Variants in SMAP1 observed in about 807,000 individuals in gnomAD.
SMAP1 encodes the protein stromal membrane-associated protein 1.
Under a neutral mutation model 58.5 loss-of-function variants are expected in SMAP1, and 24 were observed. The observed-to-expected ratio is 0.41, with a 90% confidence interval of 0.30 to 0.58. The LOEUF is 0.58. SMAP1 is among the 20% of genes least tolerant of loss of function. The probability of loss-of-function intolerance (pLI) is 0.29; values close to 1 mark genes in which losing one functional copy is unlikely to be tolerated. For synonymous variants in SMAP1, 216 were observed against 196.6 expected, an observed-to-expected ratio of 1.10 and a Z score of -0.82; for missense variants, 563 against 566.3, an observed-to-expected ratio of 0.99 and a Z score of 0.06.
chr6:70,675,012 T>C (rs1028927336), intron 1 of SMAP1, among the ~76,000 whole-genome samples: 2 of 152,050 alleles, frequency 1.3e-5, no homozygotes, highest in Non-Finnish European at 2.9e-5. Context: ...TGGATATAGT[T>C]GTCTACAAGC....
At chr6:70,711,279 C>T (rs193009783) in intron 1 of SMAP1, among the ~76,000 whole-genome samples, 16 of 152,150 alleles carry the variant, frequency 1.1e-4, no homozygotes, top group East Asian at 5.8e-4. Flanking sequence ...TGTTGTGCTA[C>T]GATGTCACAA....
intron 6 of SMAP1, among the ~76,000 whole-genome samples, chr6:70,816,684 C>A (rs928627230): frequency 6.6e-6 from 1 of 152,140 alleles, no homozygotes; most frequent in Non-Finnish European, 1.5e-5. Flanking sequence ...CCTGCTGTCA[C>A]ATATAATCAT....
chr6:70,786,025 T>C (rs1381492722), intron 4 of SMAP1, among the ~76,000 whole-genome samples: 5 of 152,212 alleles, frequency 3.3e-5, no homozygotes, highest in Admixed American at 6.5e-5. Flanking sequence ...ACCAATCTCC[T>C]TGATGAACAT....
rs528500362 is a variant in SMAP1, at chr6:70,860,809, GCT to G, written c.*478_*479del. 53 of 397,822 alleles carry G rather than the reference GCT, an allele frequency of 1.3e-4. No individual in the cohort carries two copies. Among genetic ancestry groups the G allele is most frequent in the African/African-American group, 9.9e-4 (48 of 48,686 alleles). The allele number at this position is 397,822 out of a possible 1,614,324, so 24.6% of individuals were successfully genotyped here. A position where few individuals can be genotyped will look rare whatever the true frequency, so the allele number is the denominator to read the frequency against. ...GCACTGTTTTCTAGTGTATCAAAAT[GCT>G]CTTATTTCATCATTCACTTCACTGT... On this transcript the variant is annotated 3_prime_UTR_variant, in exon 11 of 11. Coordinates refer to ENST00000370455, the MANE Select transcript of SMAP1 (RefSeq NM_001044305.3).
At chr6:70,809,552 G>A (rs1769297392) in intron 6 of SMAP1, among the ~76,000 whole-genome samples, 1 of 152,148 alleles carries the variant, frequency 6.6e-6, no homozygotes, top group Non-Finnish European at 1.5e-5. Flanking sequence ...ATTGCCAGAT[G>A]CTAGATTGAT....
At chr6:70,804,356 T>C (rs997828143) in intron 6 of SMAP1, among the ~76,000 whole-genome samples, 1 of 151,662 alleles carries the variant, frequency 6.6e-6, no homozygotes, top group Non-Finnish European at 1.5e-5. Flanking sequence ...TAGGTCTTCC[T>C]CCATCCCTTT....
In SMAP1 at chr6:70,679,272, G is replaced by A. The variant is rs546176300; in HGVS notation, c.118+11131G>A. On this transcript the variant is annotated intron_variant, in intron 1 of 10. Transcript: ENST00000370455. ...GACCTCGAGTGATTCGCCTGCCTTG[G>A]CCTCCCAAAGTGCTGGGATTACAGG... is the stretch of plus-strand genomic sequence containing the variant. 3.9e-5 allele frequency among the ~76,000 whole-genome samples: 6 copies of A among 152,200 alleles called. No homozygotes were observed. In the South Asian group the frequency reaches 1.2e-3, roughly 32 times the overall value.
chr6:70,706,178 A>G (rs192466857), intron 1 of SMAP1, among the ~76,000 whole-genome samples: 21 of 152,338 alleles, frequency 1.4e-4, no homozygotes, highest in African/African-American at 5.1e-4. Flanking sequence ...GTTTTTGACA[A>G]CGAAGTTGGT....
intron 3 of SMAP1, among the ~76,000 whole-genome samples, chr6:70,764,781 A>T (rs1445293480): frequency 6.6e-6 from 1 of 152,154 alleles, no homozygotes; most frequent in Non-Finnish European, 1.5e-5. Context: ...CCATGGATAA[A>T]GGAGTAGTTT....
chr6:70,806,302 G>A (rs916962623), intron 6 of SMAP1, among the ~76,000 whole-genome samples: 3 of 152,220 alleles, frequency 2.0e-5, no homozygotes, highest in African/African-American at 7.2e-5. Context: ...GTGAGCGTGG[G>A]ACCTGCCAAG....
intron 3 of SMAP1, chr6:70,772,937 C>G: frequency 6.4e-6 from 1 of 157,306 alleles, no homozygotes; most frequent in Non-Finnish European, 1.4e-5. Flanking sequence ...AATTAAAGGA[C>G]CCAAAGTATG....
intron 2 of SMAP1, among the ~76,000 whole-genome samples, chr6:70,745,189 T>C (rs1413424264): frequency 6.6e-6 from 1 of 152,234 alleles, no homozygotes; most frequent in Admixed American, 6.5e-5. Flanking sequence ...TAGATCCCAT[T>C]TATCAATTTT....
At chr6:70,706,565 T>A (rs942579520) in intron 1 of SMAP1, among the ~76,000 whole-genome samples, 33 of 152,226 alleles carry the variant, frequency 2.2e-4, no homozygotes, top group African/African-American at 8.0e-4. Context: ...TATTTTTGGT[T>A]GTTTTATTGG....
At chr6:70,801,670 C>G (rs1364689726) in intron 6 of SMAP1, among the ~76,000 whole-genome samples, 1 of 152,148 alleles carries the variant, frequency 6.6e-6, no homozygotes, top group Non-Finnish European at 1.5e-5. Context: ...AATATTTAAT[C>G]CATCTTGAAT....
chr6:70,755,546 AG>A (rs554135035), intron 3 of SMAP1, among the ~76,000 whole-genome samples: 3 of 152,190 alleles, frequency 2.0e-5, no homozygotes, highest in East Asian at 3.9e-4. Context: ...CATTTAATGT[AG>A]GCTAGGCTAG....
At chr6:70,832,373 A>G (rs1770396567) in intron 6 of SMAP1, among the ~76,000 whole-genome samples, 1 of 152,182 alleles carries the variant, frequency 6.6e-6, no homozygotes, top group Non-Finnish European at 1.5e-5. Context: ...TTGGGTTTAA[A>G]TGTACAATGT....
chr6:70,730,021 C>T (rs1765361211), intron 1 of SMAP1, among the ~76,000 whole-genome samples: 1 of 152,176 alleles, frequency 6.6e-6, no homozygotes, highest in Admixed American at 6.5e-5. Context: ...TTGAGAGACA[C>T]TGATCTAGAA....
At chr6:70,698,366 G>A (rs1767495490) in intron 1 of SMAP1, among the ~76,000 whole-genome samples, 1 of 152,052 alleles carries the variant, frequency 6.6e-6, no homozygotes, top group Admixed American at 6.6e-5. Flanking sequence ...GTAATTAAAT[G>A]TCTCGAGGTA....
intron 7 of SMAP1, among the ~76,000 whole-genome samples, chr6:70,838,167 A>C (rs1770671941): frequency 6.6e-6 from 1 of 152,230 alleles, no homozygotes; most frequent in Admixed American, 6.5e-5. Flanking sequence ...AGTAAAAAAA[A>C]ATCTTAGTAA....
Sources: allele counts gnomAD v4.1 joint callset (sites outside exome capture counted in the v4.1 genomes callset), GRCh38; gene constraint gnomAD v4.1.1; transcripts MANE v1.5; gene names NCBI Gene and HGNC (gene_info 2026-07-23, HGNC 2026-07-21).